POLR3H: variants seen among roughly 807,000 people sequenced by gnomAD.
The protein encoded by POLR3H is RNA polymerase III subunit H.
In POLR3H, 17 loss-of-function variants were observed where a neutral mutation model predicts 25.5. The observed-to-expected ratio is 0.67, with a 90% confidence interval of 0.46 to 1.00. POLR3H has a LOEUF of 1.00. POLR3H is among the 50% of genes least tolerant of loss of function. The pLI is 0.00. For synonymous variants in POLR3H, 129 were observed against 103.0 expected, an observed-to-expected ratio of 1.25 and a Z score of -1.53; for missense variants, 274 against 265.0, an observed-to-expected ratio of 1.03 and a Z score of -0.24.
Position 41,526,033 on chromosome 22 carries a change from G to C in POLR3H, c.*3250C>G, listed in dbSNP as rs2066587330. ...TTTGGGCGGCCTCTGCCCCATAAGG[G>C]AGACTGAGCAGCCAGAGGCCTTTGA... is the stretch of plus-strand genomic sequence containing the variant. On this transcript the variant is annotated 3_prime_UTR_variant, in exon 6 of 6. Coordinates refer to ENST00000355209, the MANE Select transcript of POLR3H (RefSeq NM_001018050.4). The C allele has an allele frequency of 2.0e-6, 1 of 491,016 alleles. No homozygotes were observed. Among genetic ancestry groups the C allele is most frequent in the African/African-American group, 1.9e-5 (1 of 51,918 alleles). The allele number at this position is 491,016 out of a possible 1,614,324, so 30.4% of individuals were successfully genotyped here. A position where few individuals can be genotyped will look rare whatever the true frequency, so the allele number is the denominator to read the frequency against.
At chr22:41,530,953 C>T in intron 4 of POLR3H, 65 bp from the exon 5 acceptor site, 1 of 1,504,488 alleles carries the variant, frequency 6.6e-7, no homozygotes, top group South Asian at 1.2e-5. Flanking sequence ...GCACCCACTC[C>T]CCGACCCCGC....
At position 41,526,821 on chromosome 22, in the gene POLR3H, T is replaced by C. The variant is rs2066608697; in HGVS notation, c.*2462A>G. ...GAGAGGGTCTGAGGTGATTGGACTT[T>C]TTCTGCTTTGAGAAACAAACAGAAC... On this transcript the variant is annotated 3_prime_UTR_variant, in exon 6 of 6. Coordinates refer to ENST00000355209, the MANE Select transcript of POLR3H (RefSeq NM_001018050.4). The C allele has an allele frequency of 6.7e-6, 2 of 299,522 alleles. No individual in the cohort carries two copies. The highest frequency in any genetic ancestry group is 5.4e-5 in the South Asian group (1 of 18,530). 18.6% of individuals were successfully genotyped at this position (299,522 alleles called of 1,614,324 possible).
chr22:41,528,660 G>C lies in POLR3H; in HGVS notation c.*623C>G. On this transcript the variant is annotated 3_prime_UTR_variant, in exon 6 of 6. Transcript: ENST00000355209. ...CCGCTGGCGTCAAGTTCAGCTCCAC[G>C]TGTGCCATCAGTGGATCCGATCCGT... 1 of 1,602,148 alleles carries C rather than the reference G, an allele frequency of 6.2e-7. No individual in the cohort carries two copies. Among genetic ancestry groups the C allele is most frequent in the Non-Finnish European group, 8.5e-7 (1 of 1,176,382 alleles).
chr22:41,541,643 G>A lies in POLR3H; in HGVS notation c.112-848C>T, dbSNP rs1465545989. Among the ~76,000 whole-genome samples, 6 of 152,230 alleles carry A rather than the reference G, an allele frequency of 3.9e-5. No individual in the cohort carries two copies. The East Asian group carries it at 7.7e-4, about 20-fold the overall frequency. Reference sequence around the variant, plus strand: ...TTTCTGTGTGGGCCCCCTCTCAAACGATTCATCTAATCAAATACTAGAAGA... The same window carrying A: ...TTTCTGTGTGGGCCCCCTCTCAAACAATTCATCTAATCAAATACTAGAAGA... On this transcript the variant is annotated intron_variant, in intron 1 of 5. Transcript: ENST00000355209.
chr22:41,536,155 G>A (rs2066841151), intron 2 of POLR3H, among the ~76,000 whole-genome samples: 1 of 150,896 alleles, frequency 6.6e-6, no homozygotes, highest in Non-Finnish European at 1.5e-5. Flanking sequence ...CACTTTGGGA[G>A]CCCAAGGCGG....
At chr22:41,532,305 A>C in intron 3 of POLR3H, 148 bp from the exon 4 acceptor site, 4 of 793,442 alleles carry the variant, frequency 5.0e-6, no homozygotes, top group Non-Finnish European at 8.3e-6. Flanking sequence ...TTCCCCACCT[A>C]ATGCCTCTGC....
At chr22:41,538,559 C>T (rs997317417) in intron 2 of POLR3H, among the ~76,000 whole-genome samples, 1 of 152,116 alleles carries the variant, frequency 6.6e-6, no homozygotes, top group African/African-American at 2.4e-5. Flanking sequence ...CACACCCGGC[C>T]GCAACTTGAC....
Position 41,540,698 on chromosome 22 carries a change from C to T in POLR3H, c.208+1G>A. On this transcript the variant is annotated splice_donor_variant, in intron 2 of 5. Coordinates refer to ENST00000355209, the MANE Select transcript of POLR3H (RefSeq NM_001018050.4). LOFTEE classifies it high-confidence loss of function. ...ATGCCCCAGGGACAGAAGATACCCACCTTTGGTGTGTGATGCGCCATCCCC... is the reference window on the plus strand; with the variant it reads ...ATGCCCCAGGGACAGAAGATACCCATCTTTGGTGTGTGATGCGCCATCCCC... 6.2e-7 allele frequency: 1 copy of T among 1,611,448 alleles called. No individual in the cohort carries two copies. The highest frequency in any genetic ancestry group is 2.2e-5 in the East Asian group (1 of 44,878).
intron 2 of POLR3H, among the ~76,000 whole-genome samples, chr22:41,535,729 T>C (rs1010799982): frequency 1.3e-5 from 2 of 151,900 alleles, no homozygotes; most frequent in African/African-American, 4.8e-5. Context: ...ATCCCAGCAC[T>C]TTGGGAGGCC....
Position 41,528,740 on chromosome 22 carries a change from C to G in POLR3H, c.*543G>C. The stretch of plus-strand genomic sequence containing the variant: ...GTGACCAGACATGCTTCCTGCTCCC[C>G]GCTTAGCCCACGGAGTGACTGTGGT... On this transcript the variant is annotated 3_prime_UTR_variant, in exon 6 of 6. Coordinates refer to ENST00000355209, the MANE Select transcript of POLR3H (RefSeq NM_001018050.4). 7.4e-7 allele frequency: 1 copy of G among 1,346,390 alleles called. No homozygotes were observed. The highest frequency in any genetic ancestry group is 1.5e-5 in the South Asian group (1 of 68,714). 83.4% of individuals were successfully genotyped at this position (1,346,390 alleles called of 1,614,324 possible).
intron 4 of POLR3H, among the ~76,000 whole-genome samples, chr22:41,531,621 C>G (rs2066737366): frequency 6.6e-6 from 1 of 152,232 alleles, no homozygotes; most frequent in Non-Finnish European, 1.5e-5. Flanking sequence ...CCCACAGAAA[C>G]AGACAACCCC....
chr22:41,533,823 C>A, intron 2 of POLR3H: 4 of 718,274 alleles, frequency 5.6e-6, no homozygotes, highest in Non-Finnish European at 8.4e-6. Flanking sequence ...CCACATGGCC[C>A]AACATTCAGT....
In POLR3H at chr22:41,529,232, G is replaced by C. The variant is rs769261248; in HGVS notation, c.*51C>G. On this transcript the variant is annotated 3_prime_UTR_variant, in exon 6 of 6. Coordinates refer to ENST00000355209, the MANE Select transcript of POLR3H (RefSeq NM_001018050.4). Reference sequence around the variant, plus strand: ...CTCAGCTGCTGTTGTCTTCACAGCCGGCCATACCACCTTCCCGCAGGCTGG... The same window carrying C: ...CTCAGCTGCTGTTGTCTTCACAGCCCGCCATACCACCTTCCCGCAGGCTGG... The C allele has an allele frequency of 5.3e-6, 8 of 1,522,260 alleles. No individual in the cohort carries two copies. The highest frequency in any genetic ancestry group is 7.2e-6 in the Non-Finnish European group (8 of 1,104,738). 94.3% of individuals were successfully genotyped at this position (1,522,260 alleles called of 1,614,324 possible).
Position 41,526,167 on chromosome 22 carries a change from TGGGCCCCG to T in POLR3H, c.*3108_*3115del. The T allele has an allele frequency of 8.6e-7, 1 of 1,169,054 alleles. No homozygotes were observed. The highest frequency in any genetic ancestry group is 1.5e-5 in the South Asian group (1 of 68,440). 72.4% of individuals were successfully genotyped at this position (1,169,054 alleles called of 1,614,324 possible). ...CCTCTCACCCCTCTGTCACCCCTCC[TGGGCCCCG>T]GGGCCTGCTGCCTGCCTCTGGAGGG... is the stretch of plus-strand genomic sequence containing the variant. On this transcript the variant is annotated 3_prime_UTR_variant, in exon 6 of 6. Coordinates refer to ENST00000355209, the MANE Select transcript of POLR3H (RefSeq NM_001018050.4).
chr22:41,531,977 G>A (rs980851018), intron 4 of POLR3H, 117 bp downstream of exon 4: 27 of 857,726 alleles, frequency 3.1e-5, no homozygotes, highest in Non-Finnish European at 5.2e-5. Context: ...CGAGGGGCAG[G>A]CACAGAGGCC....
At chr22:41,533,619 G>GC in intron 2 of POLR3H, 1 of 1,302,598 alleles carries the variant, frequency 7.7e-7, no homozygotes. Flanking sequence ...CGGCCAACAT[G>GC]CCCCCCAGGA....
intron 2 of POLR3H, among the ~76,000 whole-genome samples, chr22:41,534,136 CAA>C (rs939200891): frequency 1.5e-5 from 2 of 132,932 alleles, no homozygotes. Flanking sequence ...GACTCCGTCT[CAA>C]AAAAAAAAAA....
intron 2 of POLR3H, among the ~76,000 whole-genome samples, chr22:41,536,067 G>A (rs1269240759): frequency 1.3e-5 from 2 of 149,934 alleles, no homozygotes; most frequent in East Asian, 4.2e-4. Flanking sequence ...TGGGACTACA[G>A]GCATGAGCCA....
chr22:41,530,961 C>A, intron 4 of POLR3H, 73 bp from the exon 5 acceptor site: 1 of 1,471,600 alleles, frequency 6.8e-7, no homozygotes, highest in Non-Finnish European at 9.4e-7. Flanking sequence ...TCCCCGACCC[C>A]GCAGGAAAAA....
Sources: allele counts gnomAD v4.1 joint callset (sites outside exome capture counted in the v4.1 genomes callset), GRCh38; gene constraint gnomAD v4.1.1; transcripts MANE v1.5; gene names NCBI Gene and HGNC (gene_info 2026-07-23, HGNC 2026-07-21).